The following KHDRBS2 variants were observed in gnomAD, a reference collection of about 807,000 sequenced individuals.
KHDRBS2 encodes the protein KH domain-containing, RNA-binding, signal transduction-associated protein 2.
KHDRBS2 carries 26 observed loss-of-function variants against 44.3 expected under a neutral mutation model. That is an observed-to-expected ratio of 0.59 (90% CI 0.43 to 0.81). KHDRBS2 has a LOEUF of 0.81. Ranked by LOEUF, KHDRBS2 falls within the 40% of genes least tolerant of loss-of-function variation. The pLI, the probability that KHDRBS2 is intolerant of heterozygous loss-of-function variation, is 0.00. For synonymous variants in KHDRBS2, 194 were observed against 151.1 expected, an observed-to-expected ratio of 1.28 and a Z score of -2.08; for missense variants, 476 against 433.1, an observed-to-expected ratio of 1.10 and a Z score of -0.88.
chr6:61,782,339 C>T (rs1480654914), intron 6 of KHDRBS2, among the ~76,000 whole-genome samples: 16 of 151,920 alleles, frequency 1.1e-4, no homozygotes, highest in Non-Finnish European at 2.1e-4. Context: ...CCAACTCATT[C>T]GAGTTGCTAG....
At chr6:61,949,946 T>A (rs1476050139) in intron 4 of KHDRBS2, among the ~76,000 whole-genome samples, 2 of 152,116 alleles carry the variant, frequency 1.3e-5, no homozygotes, top group African/African-American at 4.8e-5. Context: ...AATTTTTTAT[T>A]GAGTCAGTAA....
Position 62,069,470 on chromosome 6 carries a change from C to G in KHDRBS2, c.220-21476G>C, listed in dbSNP as rs1562781476. ...AGTTATTATTTTTTTCTTGTAATAT[C>G]ATGACTTTGCTTTGCTTTCTGAGAG... On this transcript the variant is annotated intron_variant, in intron 2 of 8. Transcript: ENST00000281156. 3.3e-5 allele frequency among the ~76,000 whole-genome samples: 5 copies of G among 151,792 alleles called. No homozygotes were observed. The South Asian group carries it at 1.0e-3, about 32-fold the overall frequency.
intron 3 of KHDRBS2, among the ~76,000 whole-genome samples, chr6:62,034,181 C>G (rs1180312016): frequency 1.3e-5 from 2 of 151,728 alleles, no homozygotes; most frequent in Non-Finnish European, 2.9e-5. Context: ...TAAAAAGTCT[C>G]TCCATAAAAA....
intron 6 of KHDRBS2, among the ~76,000 whole-genome samples, chr6:61,885,710 C>G (rs1800844278): frequency 6.6e-6 from 1 of 152,148 alleles, no homozygotes; most frequent in Non-Finnish European, 1.5e-5. Flanking sequence ...GGCAGTGTGA[C>G]AGGTGAGGAT....
intron 4 of KHDRBS2, among the ~76,000 whole-genome samples, chr6:61,971,920 T>C (rs1771510790): frequency 6.6e-6 from 1 of 152,194 alleles, no homozygotes; most frequent in African/African-American, 2.4e-5. Flanking sequence ...TTCTACTAGG[T>C]CAGTGGCTCA....
intron 6 of KHDRBS2, among the ~76,000 whole-genome samples, chr6:61,836,024 T>C (rs753942859): frequency 6.6e-6 from 1 of 151,916 alleles, no homozygotes; most frequent in Non-Finnish European, 1.5e-5. Flanking sequence ...TCCTTAAATT[T>C]TGAAGCGACA....
the KHDRBS2 span, among the ~76,000 whole-genome samples, chr6:61,548,893 T>A: frequency 2.0e-5 from 3 of 152,100 alleles, no homozygotes; most frequent in South Asian, 4.1e-4. Flanking sequence ...GTAGGCTGCG[T>A]GCATCTCTTT....
At chr6:61,626,192 T>G in the KHDRBS2 span, among the ~76,000 whole-genome samples, 1 of 152,216 alleles carries the variant, frequency 6.6e-6, no homozygotes, top group Non-Finnish European at 1.5e-5. Flanking sequence ...GAACAATAAA[T>G]AGCCTAAATA....
At chr6:61,558,668 C>T in the KHDRBS2 span, among the ~76,000 whole-genome samples, 439 of 152,228 alleles carry the variant, frequency 2.9e-3, 3 homozygotes, top group Non-Finnish European at 2.7e-3. Flanking sequence ...TAATTTCTTC[C>T]TTGACCAACT....
intron 1 of KHDRBS2, among the ~76,000 whole-genome samples, chr6:62,267,668 C>G (rs1339976901): frequency 6.6e-6 from 1 of 151,912 alleles, no homozygotes; most frequent in Admixed American, 6.6e-5. Flanking sequence ...TCAAAATGAG[C>G]TAAAGACTAA....
At chr6:62,033,176 A>C (rs1409317013) in intron 3 of KHDRBS2, among the ~76,000 whole-genome samples, 2 of 151,964 alleles carry the variant, frequency 1.3e-5, no homozygotes. Flanking sequence ...CAGAGGAGAC[A>C]AAAGAAAAGA....
intron 3 of KHDRBS2, among the ~76,000 whole-genome samples, chr6:61,997,068 G>A (rs1310822776): frequency 2.6e-5 from 4 of 151,986 alleles, no homozygotes; most frequent in East Asian, 3.9e-4. Context: ...GGCATGAGCC[G>A]CCATGCCCAG....
chr6:62,146,996 T>C (rs1584947608), intron 2 of KHDRBS2, among the ~76,000 whole-genome samples: 1 of 151,976 alleles, frequency 6.6e-6, no homozygotes, highest in East Asian at 1.9e-4. Context: ...CCCCAGCAGT[T>C]ATATTTACAC....
chr6:61,642,782 A>AT, the KHDRBS2 span, among the ~76,000 whole-genome samples: 1 of 152,312 alleles, frequency 6.6e-6, no homozygotes, highest in South Asian at 2.1e-4. Context: ...TCCAACAAAT[A>AT]TGTTCTAATC....
rs576126510 is a variant in KHDRBS2 at position 61,801,808 on chromosome 6, G to A, written c.811-69044C>T. Among the ~76,000 whole-genome samples the A allele has an allele frequency of 1.1e-3, 175 of 152,220 alleles. 2 individuals are homozygous for A. The South Asian group carries it at 0.034, about 30-fold the overall frequency. ...TCAATATTTCTGGCCATTTCTGGAC[G>A]TAAAACTTCTCTTAGTTATTCAATC... On this transcript the variant is annotated intron_variant, in intron 6 of 8. Coordinates refer to ENST00000281156, the MANE Select transcript of KHDRBS2 (RefSeq NM_152688.4).
At chr6:61,558,258 G>T in the KHDRBS2 span, among the ~76,000 whole-genome samples, 81 of 152,048 alleles carry the variant, frequency 5.3e-4, no homozygotes, top group African/African-American at 1.9e-3. Flanking sequence ...TGATGTAGGT[G>T]CTTATAGCCA....
At chr6:61,997,422 T>C (rs1412744590) in intron 3 of KHDRBS2, among the ~76,000 whole-genome samples, 2 of 152,158 alleles carry the variant, frequency 1.3e-5, no homozygotes, top group Admixed American at 6.6e-5. Context: ...GTATCACTGA[T>C]ATTCTGAAAT....
At chr6:61,807,147 T>C (rs751171485) in intron 6 of KHDRBS2, among the ~76,000 whole-genome samples, 2 of 152,078 alleles carry the variant, frequency 1.3e-5, no homozygotes, top group Non-Finnish European at 2.9e-5. Context: ...TAAGTCAGAA[T>C]GGCTATTACT....
intron 2 of KHDRBS2, among the ~76,000 whole-genome samples, chr6:62,108,163 C>T (rs1254134362): frequency 3.9e-5 from 6 of 152,170 alleles, no homozygotes; most frequent in East Asian, 1.9e-4. Context: ...AGGCAACCTA[C>T]AAAATGGGAG....
Sources: gnomAD v4.1 joint callset for allele counts (sites outside exome capture counted in the v4.1 genomes callset) on GRCh38, gnomAD v4.1.1 for gene constraint, MANE v1.5 for transcripts, NCBI Gene and HGNC (gene_info 2026-07-23, HGNC 2026-07-21) for gene names.